The following WDR25 variants were observed in gnomAD, a reference collection of about 807,000 sequenced individuals.
WDR25 encodes WD repeat-containing protein 25.
In WDR25, 35 loss-of-function variants were observed where a neutral mutation model predicts 47.7. That is an observed-to-expected ratio of 0.73 (90% CI 0.56 to 0.97). The LOEUF (loss-of-function observed/expected upper bound fraction) is 0.97. WDR25 is among the 50% of genes least tolerant of loss of function. The probability of loss-of-function intolerance (pLI) is 0.00; values close to 1 mark genes in which losing one functional copy is unlikely to be tolerated. For synonymous variants in WDR25, 248 were observed against 278.9 expected, an observed-to-expected ratio of 0.89 and a Z score of 1.10; for missense variants, 634 against 704.7, an observed-to-expected ratio of 0.90 and a Z score of 1.14.
intron 2 of WDR25, among the ~76,000 whole-genome samples, chr14:100,431,151 A>T (rs1204766674): frequency 6.6e-6 from 1 of 152,222 alleles, no homozygotes; most frequent in African/African-American, 2.4e-5. Flanking sequence ...TTAATGGATG[A>T]CATTAAAATA....
At position 100,484,015 on chromosome 14, in the gene WDR25, G is replaced by A. The variant is rs746965392; in HGVS notation, c.992G>A (p.Arg331Gln). The change falls in exon 4 of 7, where the codon CGA becomes CAA. Residue 331 changes from arginine to glutamine, a missense_variant. Transcript: ENST00000402312. ...GTAGGAACCCAGCTATTTAGTGGTC[G>A]AAGTGACTTTAGAATCACTACCTTG... ...LETGTQLFSG[R>Q]SDFRITTLKF... 1.2e-5 allele frequency: 20 copies of A among 1,612,850 alleles called. No homozygotes were observed. The highest frequency in any genetic ancestry group is 1.6e-4 in the Middle Eastern group (1 of 6,084).
intron 2 of WDR25, among the ~76,000 whole-genome samples, chr14:100,405,503 C>G (rs1250408636): frequency 6.6e-6 from 1 of 152,166 alleles, no homozygotes; most frequent in Non-Finnish European, 1.5e-5. Flanking sequence ...TAGGATGGGG[C>G]TGGGGTGCAG....
chr14:100,497,393 A>G (rs1900768068), intron 4 of WDR25, among the ~76,000 whole-genome samples: 1 of 152,030 alleles, frequency 6.6e-6, no homozygotes, highest in Admixed American at 6.6e-5. Context: ...TTTTTGCTTC[A>G]TATACTTTGA....
chr14:100,485,021 C>G (rs1429828856), intron 4 of WDR25, among the ~76,000 whole-genome samples: 1 of 152,196 alleles, frequency 6.6e-6, no homozygotes, highest in Non-Finnish European at 1.5e-5. Context: ...CTAAATGATC[C>G]TCCTTGGCCT....
intron 2 of WDR25, among the ~76,000 whole-genome samples, chr14:100,462,555 C>T (rs1262997818): frequency 6.6e-6 from 1 of 152,172 alleles, no homozygotes; most frequent in Non-Finnish European, 1.5e-5. Flanking sequence ...GTTGTCTGTG[C>T]ATCTACTAGG....
Position 100,451,243 on chromosome 14 carries a change from C to CT in WDR25, c.823-16762dup, listed in dbSNP as rs11288233. On this transcript the variant is annotated intron_variant, in intron 2 of 6. Coordinates refer to ENST00000402312, the MANE Select transcript of WDR25 (RefSeq NM_001161476.3). The stretch of plus-strand genomic sequence containing the variant: ...GCCAGCGTTCATTCGCCAAAGCATT[C>CT]TTTTTTTTTTTTTTTTGAGACGAGG... Among the ~76,000 whole-genome samples the CT allele has an allele frequency of 9.8e-3, 1,322 of 134,642 alleles. 22 individuals carry two copies. The highest frequency in any genetic ancestry group is 0.033 in the African/African-American group (1,209 of 36,350). 88.3% of individuals were successfully genotyped at this position (134,642 alleles called of 152,430 possible). A position where few individuals can be genotyped will look rare whatever the true frequency, so the allele number is the denominator to read the frequency against.
chr14:100,416,807 C>T (rs1239743482), intron 2 of WDR25, among the ~76,000 whole-genome samples: 1 of 152,158 alleles, frequency 6.6e-6, no homozygotes, highest in Non-Finnish European at 1.5e-5. Flanking sequence ...GCTTGGTGCT[C>T]GTTACTGACT....
At chr14:100,527,499 G>A (rs2030244280) in intron 5 of WDR25, among the ~76,000 whole-genome samples, 1 of 152,146 alleles carries the variant, frequency 6.6e-6, no homozygotes, top group Non-Finnish European at 1.5e-5. Flanking sequence ...TTTCCTCCCT[G>A]CCTTTTCCTT....
rs1489709196 is a variant in WDR25, at chr14:100,430,809, G to A, written c.823-37212G>A. Among the ~76,000 whole-genome samples the A allele has an allele frequency of 6.6e-6, 1 of 152,178 alleles. No homozygotes were observed. The highest frequency in any genetic ancestry group is 1.5e-5 in the Non-Finnish European group (1 of 68,030). ...TTCGTGCTCCCCAGCCTGGCAACGT[G>A]GACATTTCTGGCTGTCGAGAAGGGG... is the stretch of plus-strand genomic sequence containing the variant. On this transcript the variant is annotated intron_variant, in intron 2 of 6. Transcript: ENST00000402312. This position sits in a 1 kb window ranked among gnomAD's most constrained non-coding sequence, Gnocchi z 4.7.
intron 4 of WDR25, among the ~76,000 whole-genome samples, chr14:100,503,168 T>A (rs1900994747): frequency 6.6e-6 from 1 of 151,902 alleles, no homozygotes; most frequent in African/African-American, 2.4e-5. Flanking sequence ...ATTTTTAGGT[T>A]GTGACCCAGA....
chr14:100,509,001 T>A (rs931292413), intron 4 of WDR25, among the ~76,000 whole-genome samples: 3 of 152,182 alleles, frequency 2.0e-5, no homozygotes, highest in Admixed American at 6.5e-5. Flanking sequence ...TAAGGATTTT[T>A]AAAATCTATG....
At chr14:100,387,111 A>C (rs937279789) in intron 2 of WDR25, among the ~76,000 whole-genome samples, 2 of 151,840 alleles carry the variant, frequency 1.3e-5, no homozygotes, top group African/African-American at 4.8e-5. Context: ...AAATGGGGAT[A>C]ATTGGTAAAT....
At chr14:100,380,123 T>TGG (rs1896843929) in intron 1 of WDR25, among the ~76,000 whole-genome samples, 3 of 136,124 alleles carry the variant, frequency 2.2e-5, no homozygotes, top group Non-Finnish European at 4.8e-5. Context: ...TCTCAGGTCA[T>TGG]TGCAACCTCC....
chr14:100,400,364 T>A (rs1897348901), intron 2 of WDR25, among the ~76,000 whole-genome samples: 1 of 152,246 alleles, frequency 6.6e-6, no homozygotes, highest in Non-Finnish European at 1.5e-5. Context: ...AGCTGGTTTA[T>A]GATGGTGGCA....
chr14:100,431,654 C>T (rs1161476324), intron 2 of WDR25, among the ~76,000 whole-genome samples: 2 of 151,050 alleles, frequency 1.3e-5, no homozygotes, highest in Non-Finnish European at 2.9e-5. Flanking sequence ...TCAAGTGATT[C>T]TCCTGCCTTA....
intron 2 of WDR25, among the ~76,000 whole-genome samples, chr14:100,458,018 G>A (rs1312348206): frequency 6.6e-6 from 1 of 152,166 alleles, no homozygotes; most frequent in Non-Finnish European, 1.5e-5. Flanking sequence ...ACAAGGAACA[G>A]ATGGGATAAA....
chr14:100,399,977 T>A (rs75934169), intron 2 of WDR25, among the ~76,000 whole-genome samples: 1,562 of 152,166 alleles, frequency 0.01, 25 homozygotes, highest in African/African-American at 0.035. Context: ...TGGGAGAGGG[T>A]TAGATGCATT....
chr14:100,429,866 C>A, intron 2 of WDR25, among the ~76,000 whole-genome samples: 1 of 152,022 alleles, frequency 6.6e-6, no homozygotes, highest in South Asian at 2.1e-4. Context: ...TATGTCTCTT[C>A]CTGTAAAGAT....
chr14:100,507,978 A>G (rs1008323899), intron 4 of WDR25, among the ~76,000 whole-genome samples: 3 of 152,184 alleles, frequency 2.0e-5, no homozygotes, highest in Admixed American at 6.5e-5. Context: ...AAAAAAAGAA[A>G]ACTACAAGCC....
Sources: allele counts gnomAD v4.1 joint callset (sites outside exome capture counted in the v4.1 genomes callset), GRCh38; gene constraint gnomAD v4.1.1; non-coding constraint Gnocchi (gnomAD v3.1); transcripts MANE v1.5; gene names NCBI Gene and HGNC (gene_info 2026-07-23, HGNC 2026-07-21).